The following TSPAN18 variants were observed in gnomAD, a reference collection of about 807,000 sequenced individuals.
TSPAN18 encodes tetraspanin 18.
A neutral mutation model predicts 27.3 loss-of-function variants in TSPAN18; 14 were observed. The observed-to-expected ratio is 0.51, with a 90% CI of 0.34 to 0.80. The LOEUF (loss-of-function observed/expected upper bound fraction) is 0.80, where lower values mean the gene tolerates loss of function less well. TSPAN18 is among the 30% of genes least tolerant of loss of function. The pLI is 0.01. For synonymous variants in TSPAN18, 143 were observed against 136.5 expected (o/e 1.05, Z -0.33); for missense variants, 268 against 323.9 (o/e 0.83, Z 1.32).
At chr11:44,832,249 C>T (rs1857170082) in intron 2 of TSPAN18, among the ~76,000 whole-genome samples, 1 of 152,174 alleles carries the variant, frequency 6.6e-6, no homozygotes, top group Non-Finnish European at 1.5e-5. Context: ...ACCTCCGAGC[C>T]ACCTCCTTTC....
At chr11:44,842,224 A>C (rs1857388251) in intron 2 of TSPAN18, among the ~76,000 whole-genome samples, 1 of 152,192 alleles carries the variant, frequency 6.6e-6, no homozygotes, top group Non-Finnish European at 1.5e-5. Flanking sequence ...CTCAGGTCCA[A>C]CCGTGGCTGC....
chr11:44,894,690 C>A (rs1455641631), intron 3 of TSPAN18, among the ~76,000 whole-genome samples: 4 of 152,226 alleles, frequency 2.6e-5, no homozygotes, highest in Non-Finnish European at 4.4e-5. Flanking sequence ...CCTTTCTGGG[C>A]CTCAGGGCTC....
intron 7 of TSPAN18, 114 bp from the exon 8 acceptor site, chr11:44,919,703 G>C (rs1010291232): frequency 1.6e-5 from 17 of 1,079,996 alleles, no homozygotes; most frequent in Non-Finnish European, 2.4e-5. Context: ...GGTGGAGCCC[G>C]CCCACACCCA....
chr11:44,917,131 G>A (rs768974984), intron 5 of TSPAN18, among the ~76,000 whole-genome samples: 6 of 152,200 alleles, frequency 3.9e-5, no homozygotes, highest in African/African-American at 1.2e-4. Flanking sequence ...AAGGCCGTGC[G>A]GGCACCTCTG....
chr11:44,908,155 G>C (rs556868156), intron 4 of TSPAN18, among the ~76,000 whole-genome samples: 2 of 151,524 alleles, frequency 1.3e-5, no homozygotes, highest in Non-Finnish European at 2.9e-5. Flanking sequence ...TCTTTCCCCT[G>C]CTGGGTCCTT....
intron 1 of TSPAN18, among the ~76,000 whole-genome samples, chr11:44,751,557 A>G (rs763634762): frequency 3.3e-5 from 5 of 152,190 alleles, no homozygotes; most frequent in Non-Finnish European, 7.3e-5. Context: ...ACTTTAGGGC[A>G]TCTTAGAAGG....
chr11:44,894,279 TG>T (rs1304145877), intron 3 of TSPAN18, among the ~76,000 whole-genome samples: 1 of 152,150 alleles, frequency 6.6e-6, no homozygotes, highest in Non-Finnish European at 1.5e-5. Context: ...CCCCCACTGG[TG>T]GGAACGCAGT....
At chr11:44,836,470 C>G (rs771089457) in intron 2 of TSPAN18, among the ~76,000 whole-genome samples, 19 of 152,148 alleles carry the variant, frequency 1.2e-4, no homozygotes, top group Non-Finnish European at 1.9e-4. Context: ...GAAGCTGTTT[C>G]CATAACATAA....
At chr11:44,813,215 C>T (rs1856755591) in intron 2 of TSPAN18, among the ~76,000 whole-genome samples, 1 of 152,196 alleles carries the variant, frequency 6.6e-6, no homozygotes, top group South Asian at 2.1e-4. Flanking sequence ...AGGGGAAGAC[C>T]ATCTGCATGC....
At chr11:44,914,083 C>T (rs1267100617) in intron 5 of TSPAN18, among the ~76,000 whole-genome samples, 1 of 152,230 alleles carries the variant, frequency 6.6e-6, no homozygotes, top group Non-Finnish European at 1.5e-5. Flanking sequence ...CCCACTTCCT[C>T]CAGTCCACGG....
intron 2 of TSPAN18, among the ~76,000 whole-genome samples, chr11:44,798,804 A>G (rs566502353): frequency 6.6e-6 from 1 of 152,320 alleles, no homozygotes; most frequent in South Asian, 2.1e-4. Flanking sequence ...TAGAGTTTCC[A>G]GTTTGTGCAT....
chr11:44,741,521 T>C (rs550608548), intron 1 of TSPAN18, among the ~76,000 whole-genome samples: 94 of 144,164 alleles, frequency 6.5e-4, no homozygotes, highest in Non-Finnish European at 1.2e-3. Context: ...GAAAAAAAAA[T>C]AATGATGATG....
intron 2 of TSPAN18, among the ~76,000 whole-genome samples, chr11:44,776,659 G>T (rs1473587954): frequency 2.0e-5 from 3 of 152,196 alleles, no homozygotes; most frequent in African/African-American, 7.2e-5. Flanking sequence ...GTCTGGGTTT[G>T]AGCCCTGTCT....
intron 2 of TSPAN18, among the ~76,000 whole-genome samples, chr11:44,845,592 C>A (rs1857463433): frequency 6.6e-6 from 1 of 152,186 alleles, no homozygotes; most frequent in Non-Finnish European, 1.5e-5. Context: ...AACATGTGAA[C>A]TGGGTCTTGA....
chr11:44,918,041 G>A lies in TSPAN18; in HGVS notation c.328G>A (p.Glu110Lys). ...AGCCATCCTGGCCTTCATCTTCAGGGAAAATGTACGTATCAGGCCCCAAGC... is the reference window on the plus strand; with the variant it reads ...AGCCATCCTGGCCTTCATCTTCAGGAAAAATGTACGTATCAGGCCCCAAGC... ...SAAILAFIFR[E>K]NLTREFFTKE... The change falls in exon 6 of 10, where the codon GAA becomes AAA. Residue 110 changes from glutamate (E) to lysine (K), a missense_variant. Transcript: ENST00000520358. The A allele has an allele frequency of 1.2e-6, 2 of 1,613,988 alleles. No homozygotes were observed. The highest frequency in any genetic ancestry group is 1.7e-6 in the Non-Finnish European group (2 of 1,180,016).
intron 5 of TSPAN18, among the ~76,000 whole-genome samples, chr11:44,911,441 T>C (rs1242481942): frequency 3.3e-5 from 5 of 152,076 alleles, no homozygotes; most frequent in Non-Finnish European, 7.4e-5. Context: ...CTTGGGCCTA[T>C]TTGTCCTTCA....
At chr11:44,850,928 A>G (rs1208042926) in intron 2 of TSPAN18, among the ~76,000 whole-genome samples, 1 of 152,198 alleles carries the variant, frequency 6.6e-6, no homozygotes, top group African/African-American at 2.4e-5. Flanking sequence ...TCCAGGGTTA[A>G]AGATGGTGGA....
chr11:44,867,835 G>A (rs1858081898), intron 3 of TSPAN18, among the ~76,000 whole-genome samples: 1 of 152,194 alleles, frequency 6.6e-6, no homozygotes, highest in African/African-American at 2.4e-5. Flanking sequence ...TACAAATGGT[G>A]CCACTGGGTG....
intron 2 of TSPAN18, among the ~76,000 whole-genome samples, chr11:44,774,788 A>T (rs1855767180): frequency 6.6e-6 from 1 of 152,192 alleles, no homozygotes; most frequent in South Asian, 2.1e-4. Flanking sequence ...AAGATAAGAA[A>T]AGTTGAGCAC....
Sources: gnomAD v4.1 joint callset for allele counts (sites outside exome capture counted in the v4.1 genomes callset) on GRCh38, gnomAD v4.1.1 for gene constraint, MANE v1.5 for transcripts, NCBI Gene and HGNC (gene_info 2026-07-23, HGNC 2026-07-21) for gene names.